Variants in BCL2L13 observed in about 807,000 individuals in gnomAD.
The protein encoded by BCL2L13 is BCL2 like 13.
In BCL2L13, 13 loss-of-function variants were observed where a neutral mutation model predicts 25.8. That is an observed-to-expected ratio of 0.50 (90% CI 0.33 to 0.80). BCL2L13 has a LOEUF of 0.80. BCL2L13 is among the 30% of genes least tolerant of loss of function. The probability of loss-of-function intolerance (pLI) is 0.02; values close to 1 mark genes in which losing one functional copy is unlikely to be tolerated. For missense variants in BCL2L13, 504 were observed against 574.9 expected (o/e 0.88, Z 1.26); for synonymous variants, 244 against 230.3 (o/e 1.06, Z -0.54).
chr22:17,639,552 G>T (rs1043382043), intron 1 of BCL2L13, among the ~76,000 whole-genome samples: 2 of 152,146 alleles, frequency 1.3e-5, no homozygotes, highest in African/African-American at 4.8e-5. Flanking sequence ...AAAATCGGAC[G>T]GATCTGGCCA....
upstream of BCL2L13, among the ~76,000 whole-genome samples, chr22:17,634,791 T>A (rs1270211605): frequency 6.6e-6 from 1 of 151,560 alleles, no homozygotes; most frequent in Non-Finnish European, 1.5e-5. Flanking sequence ...AAAAAAAAAT[T>A]AAATAAATTA....
At chr22:17,671,981 T>C (rs1366219127) in intron 2 of BCL2L13, among the ~76,000 whole-genome samples, 4 of 152,254 alleles carry the variant, frequency 2.6e-5, no homozygotes, top group African/African-American at 7.2e-5. Context: ...CCCAGAATGC[T>C]GGGATTACAG....
At chr22:17,710,167 TTGTAAGAC>T (rs1410037807) in intron 6 of BCL2L13, among the ~76,000 whole-genome samples, 1 of 152,186 alleles carries the variant, frequency 6.6e-6, no homozygotes, top group Non-Finnish European at 1.5e-5. Context: ...CTGTTCTTTC[TTGTAAGAC>T]TTCTTACATA....
intron 2 of BCL2L13, among the ~76,000 whole-genome samples, chr22:17,680,468 C>T (rs1330430521): frequency 2.4e-5 from 3 of 125,286 alleles, no homozygotes; most frequent in Non-Finnish European, 4.7e-5. Flanking sequence ...GAGATCAAGC[C>T]ACTGCACTGC....
chr22:17,704,993 A>C (rs2145724867), intron 6 of BCL2L13, among the ~76,000 whole-genome samples: 1 of 152,174 alleles, frequency 6.6e-6, no homozygotes, highest in Non-Finnish European at 1.5e-5. Context: ...TAGGCAAAAA[A>C]AAAAAAAAGT....
At chr22:17,650,397 A>G (rs1014054790) in intron 1 of BCL2L13, among the ~76,000 whole-genome samples, 15 of 152,146 alleles carry the variant, frequency 9.9e-5, no homozygotes, top group African/African-American at 3.4e-4. Context: ...AGATTATACC[A>G]GTATTTTTGA....
At chr22:17,667,171 A>T (rs997117276) in intron 2 of BCL2L13, among the ~76,000 whole-genome samples, 1 of 152,084 alleles carries the variant, frequency 6.6e-6, no homozygotes, top group Non-Finnish European at 1.5e-5. Context: ...TTGCTGGATC[A>T]TATGGTAGCT....
At chr22:17,706,768 G>A in intron 6 of BCL2L13, 2 of 1,352,052 alleles carry the variant, frequency 1.5e-6, no homozygotes, top group Non-Finnish European at 2.0e-6. Flanking sequence ...TCCTGGGCTT[G>A]TGTTGCTACG....
intron 6 of BCL2L13, chr22:17,706,745 T>C (rs777676068): frequency 7.4e-7 from 1 of 1,352,082 alleles, no homozygotes; most frequent in East Asian, 4.5e-5. Context: ...TCCCTCCTCA[T>C]TCTCTTTTCA....
intron 1 of BCL2L13, among the ~76,000 whole-genome samples, chr22:17,641,958 C>T (rs2058304391): frequency 6.6e-6 from 1 of 151,604 alleles, no homozygotes; most frequent in African/African-American, 2.4e-5. Context: ...CGCCACCACG[C>T]CCGGCTGATT....
Position 17,639,018 on chromosome 22 carries a change from G to A in BCL2L13, c.-51+132G>A, listed in dbSNP as rs540816106. The A allele has an allele frequency of 1.1e-4, 78 of 718,336 alleles. 1 individual carries two copies. The highest frequency in any genetic ancestry group is 4.4e-4 in the Middle Eastern group (1 of 2,270). 44.5% of individuals were successfully genotyped at this position (718,336 alleles called of 1,614,324 possible). A position where few individuals can be genotyped will look rare whatever the true frequency, so the allele number is the denominator to read the frequency against. ...TCCGACGACGCGTGAGTTTGAGTGT[G>A]TGTGTCTACACCGGCGCTCCTTCGC... On this transcript the variant is annotated intron_variant, in intron 1 of 6. Coordinates refer to ENST00000317582, the MANE Select transcript of BCL2L13 (RefSeq NM_015367.4).
chr22:17,640,661 A>C (rs1182202798), intron 1 of BCL2L13, among the ~76,000 whole-genome samples: 1 of 150,954 alleles, frequency 6.6e-6, no homozygotes, highest in African/African-American at 2.4e-5. Flanking sequence ...GTTCGAGACC[A>C]GCCTGGGCAA....
At chr22:17,687,298 C>T (rs879749403) in intron 3 of BCL2L13, among the ~76,000 whole-genome samples, 1 of 152,000 alleles carries the variant, frequency 6.6e-6, no homozygotes, top group Non-Finnish European at 1.5e-5. Flanking sequence ...CAAGTTATGA[C>T]TGCTTTTTCT....
Position 17,685,802 on chromosome 22 carries a change from C to T in BCL2L13, c.229+2481C>T, listed in dbSNP as rs780005205. The stretch of plus-strand genomic sequence containing the variant: ...TTTTTTTTTTTTTGAGACAAAGTCT[C>T]GCTCTGTTGCCCAGGCTGGAGTGCA... On this transcript the variant is annotated intron_variant, in intron 3 of 6. Transcript: ENST00000317582. 1.3e-4 allele frequency among the ~76,000 whole-genome samples: 11 copies of T among 82,328 alleles called. No homozygotes were observed. The South Asian group carries it at 2.8e-3, about 21-fold the overall frequency. 54.0% of individuals were successfully genotyped at this position (82,328 alleles called of 152,430 possible). A position where few individuals can be genotyped will look rare whatever the true frequency, so the allele number is the denominator to read the frequency against.
At chr22:17,630,415 G>A (rs2057986685) in intron 1 of BCL2L13, among the ~76,000 whole-genome samples, 1 of 151,426 alleles carries the variant, frequency 6.6e-6, no homozygotes, top group East Asian at 2.0e-4. Context: ...AAGCAGCTGG[G>A]ATTACAGGTG....
At chr22:17,665,399 T>G (rs527904924) in intron 2 of BCL2L13, among the ~76,000 whole-genome samples, 1 of 152,302 alleles carries the variant, frequency 6.6e-6, no homozygotes, top group South Asian at 2.1e-4. Context: ...CTCCCACATT[T>G]TTCCTGTTGT....
Position 17,680,362 on chromosome 22 carries a change from T to C in BCL2L13, c.122-2852T>C, listed in dbSNP as rs370812800. On this transcript the variant is annotated intron_variant, in intron 2 of 6. Coordinates refer to ENST00000317582, the MANE Select transcript of BCL2L13 (RefSeq NM_015367.4). ...CATCTCTACTAAAAATACAAAAAAT[T>C]AGCGGGGAATGGTGTCGGGCGCCTT... Among the ~76,000 whole-genome samples the C allele has an allele frequency of 5.4e-3, 807 of 148,414 alleles. 14 individuals carry two copies. The highest frequency in any genetic ancestry group is 0.022 in the South Asian group (104 of 4,664).
At chr22:17,721,967 T>A (rs1245858264) in intron 6 of BCL2L13, among the ~76,000 whole-genome samples, 1 of 152,146 alleles carries the variant, frequency 6.6e-6, no homozygotes, top group African/African-American at 2.4e-5. Context: ...GCCAAGAAAT[T>A]TTTATGATGC....
upstream of BCL2L13, among the ~76,000 whole-genome samples, chr22:17,635,334 G>C (rs1268315863): frequency 6.6e-6 from 1 of 152,112 alleles, no homozygotes; most frequent in Non-Finnish European, 1.5e-5. Flanking sequence ...TCAGGAGTTT[G>C]AGACCAGCCT....
Sources: gnomAD v4.1 joint callset for allele counts (sites outside exome capture counted in the v4.1 genomes callset) on GRCh38, gnomAD v4.1.1 for gene constraint, MANE v1.5 for transcripts, NCBI Gene and HGNC (gene_info 2026-07-23, HGNC 2026-07-21) for gene names.